Variants in ACTN4 observed in about 807,000 individuals in gnomAD.
ACTN4 encodes the protein alpha-actinin-4.
In ACTN4, 18 loss-of-function variants were observed where a neutral mutation model predicts 114.2. That is an observed-to-expected ratio of 0.16 (90% CI 0.11 to 0.23). The LOEUF is 0.23. Ranked by LOEUF, ACTN4 falls within the 10% of genes least tolerant of loss-of-function variation. ACTN4 has a pLI of 1.00. For missense variants in ACTN4, 722 were observed against 1,262.9 expected (o/e 0.57, Z 6.49); for synonymous variants, 515 against 506.3 (o/e 1.02, Z -0.23).
rs1336111886 is a variant in ACTN4, at chr19:38,730,300, A to ATTCTC, written c.*870_*874dup. ...TGCTCTCATAATGAAGACATAGCCG[A>ATTCTC]TTCTCTGCCCGGGCCCCTTGCTGAT... is the stretch of plus-strand genomic sequence containing the variant. On this transcript the variant is annotated 3_prime_UTR_variant, in exon 21 of 21. Transcript: ENST00000252699. 1 of 162,870 alleles carries ATTCTC rather than the reference A, an allele frequency of 6.1e-6. No homozygotes were observed. The highest frequency in any genetic ancestry group is 1.4e-5 in the Non-Finnish European group (1 of 74,058). The allele number at this position is 162,870 out of a possible 1,614,324, so 10.1% of individuals were successfully genotyped here.
chr19:38,689,737 G>A (rs963654045), intron 1 of ACTN4, among the ~76,000 whole-genome samples: 9 of 151,952 alleles, frequency 5.9e-5, no homozygotes, highest in Admixed American at 2.6e-4. Flanking sequence ...GCAGTGGCGC[G>A]ATCTTGGCTC....
intron 1 of ACTN4, among the ~76,000 whole-genome samples, chr19:38,691,173 T>C (rs1018966996): frequency 8.5e-5 from 13 of 152,064 alleles, no homozygotes; most frequent in Non-Finnish European, 1.8e-4. Flanking sequence ...TCCAGCACTT[T>C]GGGAGGCCGA....
At position 38,714,561 on chromosome 19, in the gene ACTN4, C is replaced by T. The variant is rs1289292396; in HGVS notation, c.912C>T (p.Asp304=). Residue 304 remains aspartate (D), a splice_region_variant and synonymous_variant, in exon 9 of 21, where the codon GAC becomes GAT. Transcript: ENST00000252699. ...LMEDYEKLAS[D]LLEWIRRTIP... The stretch of plus-strand genomic sequence containing the variant: ...AGGACTACGAGAAGCTGGCCAGCGA[C>T]GTGAGTGTTCCCCCAGTGAAAGTCA... 6 of 1,613,930 alleles carry T rather than the reference C, an allele frequency of 3.7e-6. No individual in the cohort carries two copies. Among genetic ancestry groups the T allele is most frequent in the South Asian group, 1.1e-5 (1 of 91,078 alleles).
intron 1 of ACTN4, among the ~76,000 whole-genome samples, chr19:38,659,668 T>C (rs993571930): frequency 2.0e-5 from 3 of 152,190 alleles, no homozygotes; most frequent in Non-Finnish European, 4.4e-5. Context: ...TACGGCCTGC[T>C]CTGGGGCCAC....
At position 38,730,716 on chromosome 19, in the gene ACTN4, G is replaced by A. The variant is rs1200948462; in HGVS notation, c.*1284G>A. 48 of 1,105,416 alleles carry A rather than the reference G, an allele frequency of 4.3e-5. 1 individual carries two copies. The highest frequency in any genetic ancestry group is 4.1e-4 in the South Asian group (29 of 70,916). 68.5% of individuals were successfully genotyped at this position (1,105,416 alleles called of 1,614,324 possible). ...CGCAGGCCAGAGTGGTCACCCGGCC[G>A]TGAGCAGTGAGGGCCAGAGACTAGC... is the stretch of plus-strand genomic sequence containing the variant. On this transcript the variant is annotated 3_prime_UTR_variant, in exon 21 of 21. Coordinates refer to ENST00000252699, the MANE Select transcript of ACTN4 (RefSeq NM_004924.6).
At chr19:38,708,265 A>G in intron 6 of ACTN4, 70 bp downstream of exon 6, 1 of 1,513,712 alleles carries the variant, frequency 6.6e-7, no homozygotes, top group Non-Finnish European at 9.2e-7. Context: ...CCGGGTCACC[A>G]TCCCCATGCC....
intron 1 of ACTN4, among the ~76,000 whole-genome samples, chr19:38,695,903 T>G (rs945871679): frequency 2.3e-4 from 35 of 151,296 alleles, no homozygotes; most frequent in African/African-American, 7.5e-4. Context: ...TGACACAAAC[T>G]CGGCCCCAGG....
At chr19:38,661,208 G>T (rs934030417) in intron 1 of ACTN4, among the ~76,000 whole-genome samples, 3 of 152,192 alleles carry the variant, frequency 2.0e-5, no homozygotes, top group African/African-American at 7.2e-5. Flanking sequence ...GGAACCTCAT[G>T]CTTCCAGGAC....
At chr19:38,654,108 A>G (rs1243390738) in intron 1 of ACTN4, among the ~76,000 whole-genome samples, 2 of 152,346 alleles carry the variant, frequency 1.3e-5, no homozygotes, top group East Asian at 1.9e-4. Context: ...AAGAAGGTCT[A>G]TGAGTTACAT....
intron 11 of ACTN4, 37 bp from the exon 12 acceptor site, chr19:38,721,501 C>T (rs1969039045): frequency 6.2e-7 from 1 of 1,611,928 alleles, no homozygotes; most frequent in Non-Finnish European, 8.5e-7. Flanking sequence ...CCCACAGCTG[C>T]CGTGCTGTGG....
Position 38,727,049 on chromosome 19 carries a change from C to T in ACTN4, c.2283C>T (p.Gly761=), listed in dbSNP as rs369414240. The T allele has an allele frequency of 1.9e-6, 3 of 1,614,064 alleles. No individual in the cohort carries two copies. Among genetic ancestry groups the T allele is most frequent in the African/African-American group, 1.3e-5 (1 of 74,944 alleles). ...AGATCCTCACCCGCGACGCCAAGGG[C>T]ATCAGCCAGGAGCAGATGCAGGAGT... ...ENQILTRDAK[G]ISQEQMQEFR... The change falls in exon 18 of 21, where the codon GGC becomes GGT. Residue 761 remains glycine (G), a synonymous_variant. Transcript: ENST00000252699. This position sits in a 1 kb window ranked among gnomAD's most constrained non-coding sequence, Gnocchi z 5.4.
At chr19:38,716,638 C>T (rs1968850474) in intron 9 of ACTN4, among the ~76,000 whole-genome samples, 1 of 152,196 alleles carries the variant, frequency 6.6e-6, no homozygotes, top group African/African-American at 2.4e-5. Flanking sequence ...TCAAGACCAG[C>T]CTGGGCAGTA....
chr19:38,701,864 C>T (rs1189434708), intron 3 of ACTN4, among the ~76,000 whole-genome samples: 2 of 152,232 alleles, frequency 1.3e-5, no homozygotes, highest in Non-Finnish European at 2.9e-5. Flanking sequence ...GTTGTCCCAG[C>T]TTCTAGAAAA....
intron 1 of ACTN4, among the ~76,000 whole-genome samples, chr19:38,675,196 G>A (rs376536834): frequency 3.9e-4 from 60 of 152,316 alleles, no homozygotes; most frequent in African/African-American, 1.3e-3. Context: ...TTTTGAAATC[G>A]GAGGTCTGAA....
rs551946457 is a variant in ACTN4 at position 38,703,994 on chromosome 19, C to T, written c.398-940C>T. ...CAGCTAGAGAATTCCAGCAGGATGG[C>T]AGGGCCTGGGCCTTCAGGGCAAGCC... On this transcript the variant is annotated intron_variant, in intron 3 of 20. Coordinates refer to ENST00000252699, the MANE Select transcript of ACTN4 (RefSeq NM_004924.6). 5.3e-5 allele frequency among the ~76,000 whole-genome samples: 8 copies of T among 152,304 alleles called. No homozygotes were observed. The East Asian group carries it at 1.6e-3, about 30-fold the overall frequency.
At chr19:38,709,356 C>T (rs755305386) in intron 6 of ACTN4, 39 bp from the exon 7 acceptor site, 3 of 1,505,878 alleles carry the variant, frequency 2.0e-6, no homozygotes, top group South Asian at 1.1e-5. Flanking sequence ...GCACCCTGCC[C>T]TGACGGAGTT....
At chr19:38,725,948 G>C (rs1281085794) in intron 17 of ACTN4, 45 bp downstream of exon 17, 3 of 1,608,380 alleles carry the variant, frequency 1.9e-6, no homozygotes, top group Non-Finnish European at 2.5e-6. Flanking sequence ...AGCATGGCCG[G>C]CTTCCTCACT....
chr19:38,658,623 C>T (rs371032072), intron 1 of ACTN4, among the ~76,000 whole-genome samples: 6 of 152,328 alleles, frequency 3.9e-5, no homozygotes, highest in African/African-American at 1.4e-4. Context: ...TTGAAGACTT[C>T]TGTGATCTTC....
rs1969203944 is a variant in ACTN4 at position 38,725,577 on chromosome 19, C to T, written c.2011-147C>T. 5.0e-6 allele frequency: 4 copies of T among 798,686 alleles called. No homozygotes were observed. The Admixed American group carries it at 6.9e-5, about 14-fold the overall frequency. 49.5% of individuals were successfully genotyped at this position (798,686 alleles called of 1,614,324 possible). ...GAGGGGACAGTTGTGAGCAGTGGGC[C>T]TTCCCTCCCAGGGACCCATGGGCCA... is the stretch of plus-strand genomic sequence containing the variant. On this transcript the variant is annotated intron_variant, in intron 16 of 20. Coordinates refer to ENST00000252699, the MANE Select transcript of ACTN4 (RefSeq NM_004924.6).
Sources: allele counts gnomAD v4.1 joint callset (sites outside exome capture counted in the v4.1 genomes callset), GRCh38; gene constraint gnomAD v4.1.1; non-coding constraint Gnocchi (gnomAD v3.1); transcripts MANE v1.5; gene names NCBI Gene and HGNC (gene_info 2026-07-23, HGNC 2026-07-21).